Variants in RBFOX3 observed in about 807,000 individuals in gnomAD.
The protein encoded by RBFOX3 is RNA binding fox-1 homolog 3.
In RBFOX3, 17 loss-of-function variants were observed where a neutral mutation model predicts 48.7. That is an observed-to-expected ratio of 0.35 (90% confidence interval 0.24 to 0.52). RBFOX3 has a LOEUF of 0.52. Ranked by LOEUF, RBFOX3 falls within the 20% of genes least tolerant of loss-of-function variation. The pLI, the probability that RBFOX3 is intolerant of heterozygous loss-of-function variation, is 0.94. For missense variants in RBFOX3, 382 were observed against 497.5 expected (o/e 0.77, Z 2.21); for synonymous variants, 212 against 209.5 (o/e 1.01, Z -0.10).
chr17:79,580,721 C>T, intron 1 of RBFOX3, among the ~76,000 whole-genome samples: 1 of 152,304 alleles, frequency 6.6e-6, no homozygotes, highest in East Asian at 1.9e-4. Flanking sequence ...AAAGCAACCT[C>T]TTTCTGGAAC....
At position 79,103,288 on chromosome 17, in the gene RBFOX3, AGAG is replaced by A. The variant is rs542252900; in HGVS notation, c.415-37_415-35del. 14 of 1,437,206 alleles carry A rather than the reference AGAG, an allele frequency of 9.7e-6. No homozygotes were observed. In the South Asian group the frequency reaches 1.7e-4, roughly 18 times the overall value. 89.0% of individuals were successfully genotyped at this position (1,437,206 alleles called of 1,614,324 possible). A position where few individuals can be genotyped will look rare whatever the true frequency, so the allele number is the denominator to read the frequency against. Reference sequence around the variant, plus strand: ...AGAGGAGAGGGAAGGACAGGCACGGAGAGGAGGACACAGGGCGAGAAAGAGGAG... The same window carrying A: ...AGAGGAGAGGGAAGGACAGGCACGGAGAGGACACAGGGCGAGAAAGAGGAG... On this transcript the variant is annotated intron_variant, in intron 7 of 14. Transcript: ENST00000693108. The surrounding 1 kb of genome is among the most constrained non-coding windows in gnomAD (Gnocchi z 6.1).
rs575333209 is a variant in RBFOX3, at chr17:79,197,438, G to C, written c.-34+38328C>G. Among the ~76,000 whole-genome samples, 70 of 145,944 alleles carry C rather than the reference G, an allele frequency of 4.8e-4. 1 individual carries two copies. In the East Asian group the frequency reaches 0.014, roughly 29 times the overall value. On this transcript the variant is annotated intron_variant, in intron 4 of 14. Transcript: ENST00000693108. ...GAGTCTCACTCTGTCGCCCAGGCTG[G>C]AGTGCAGTGGCATGATCTCGGCTCA...
intron 1 of RBFOX3, among the ~76,000 whole-genome samples, chr17:79,517,973 G>T (rs1195939723): frequency 6.6e-6 from 1 of 152,096 alleles, no homozygotes; most frequent in Non-Finnish European, 1.5e-5. Flanking sequence ...CGGAGAAACC[G>T]AACGAGACTC....
chr17:79,109,281 G>A (rs919948337), intron 5 of RBFOX3, among the ~76,000 whole-genome samples: 7 of 152,338 alleles, frequency 4.6e-5, no homozygotes, highest in Admixed American at 3.9e-4. Context: ...GCTTTGGCAC[G>A]GAGGCATCTG....
In RBFOX3 at chr17:79,092,459, A is replaced by C. The variant is rs139675535; in HGVS notation, c.1078-1574T>G. On this transcript the variant is annotated intron_variant, in intron 14 of 14. Transcript: ENST00000693108. ...GAGAGAAATAATCTATAGATTTTAG[A>C]GTTGCAGGGGGCCAGCCGTGCGTGT... The C allele has an allele frequency of 2.8e-4, 275 of 985,768 alleles. No individual in the cohort carries two copies. In the African/African-American group the frequency reaches 3.6e-3, roughly 13 times the overall value. 61.1% of individuals were successfully genotyped at this position (985,768 alleles called of 1,614,324 possible).
chr17:79,446,197 T>C (rs527918633), intron 2 of RBFOX3, among the ~76,000 whole-genome samples: 8 of 152,232 alleles, frequency 5.3e-5, no homozygotes, highest in African/African-American at 1.9e-4. Flanking sequence ...CTAGAGATGG[T>C]CAGGAGCCTC....
At chr17:79,286,441 C>T (rs1318388618) in intron 3 of RBFOX3, among the ~76,000 whole-genome samples, 2 of 152,198 alleles carry the variant, frequency 1.3e-5, no homozygotes, top group African/African-American at 4.8e-5. Context: ...CTTCTCTCCC[C>T]CTGCAGCCTG....
intron 1 of RBFOX3, among the ~76,000 whole-genome samples, chr17:79,607,219 G>A (rs1391928272): frequency 3.3e-5 from 5 of 152,100 alleles, no homozygotes; most frequent in Admixed American, 3.3e-4. Flanking sequence ...GGTCTCTGTT[G>A]AAGGGGGAGA....
At chr17:79,549,935 A>G (rs1599126256) in intron 1 of RBFOX3, among the ~76,000 whole-genome samples, 1 of 152,222 alleles carries the variant, frequency 6.6e-6, no homozygotes, top group Non-Finnish European at 1.5e-5. Flanking sequence ...GGAAGACCAC[A>G]CACACCAAAA....
the RBFOX3 span, among the ~76,000 whole-genome samples, chr17:79,649,488 CTG>C: frequency 6.6e-6 from 1 of 152,168 alleles, no homozygotes; most frequent in South Asian, 2.1e-4. Context: ...AGTGGATCAC[CTG>C]AGGTCAGGAG....
At chr17:79,530,433 G>T (rs1303241208) in intron 1 of RBFOX3, among the ~76,000 whole-genome samples, 1 of 152,192 alleles carries the variant, frequency 6.6e-6, no homozygotes, top group Non-Finnish European at 1.5e-5. Flanking sequence ...AAGGCCCAGA[G>T]CCGTGCCTCC....
At position 79,423,898 on chromosome 17, in the gene RBFOX3, C is replaced by G. The variant is rs929708738; in HGVS notation, c.-175+58556G>C. 1.3e-5 allele frequency: 2 copies of G among 153,630 alleles called. No individual in the cohort carries two copies. Among genetic ancestry groups the G allele is most frequent in the Admixed American group, 6.5e-5 (1 of 15,294 alleles). The allele number at this position is 153,630 out of a possible 1,614,324, so 9.5% of individuals were successfully genotyped here. The stretch of plus-strand genomic sequence containing the variant: ...CCACATGCCCTCAGCTCCCTGAGGC[C>G]TTTGCAGCCACTATGCCCTCTACAC... On this transcript the variant is annotated intron_variant, in intron 2 of 14. Transcript: ENST00000693108. This position sits in a 1 kb window ranked among gnomAD's most constrained non-coding sequence, Gnocchi z 4.9.
the RBFOX3 span, among the ~76,000 whole-genome samples, chr17:79,622,916 C>T: frequency 6.6e-6 from 1 of 152,196 alleles, no homozygotes; most frequent in Non-Finnish European, 1.5e-5. Context: ...CGCTCCTCCC[C>T]TTCCCCAGCT....
rs1308947425 is a variant in RBFOX3 at position 79,421,737 on chromosome 17, G to A, written c.-175+60717C>T. Among the ~76,000 whole-genome samples the A allele has an allele frequency of 3.3e-5, 5 of 152,250 alleles. No individual in the cohort carries two copies. In the East Asian group the frequency reaches 7.7e-4, roughly 24 times the overall value. On this transcript the variant is annotated intron_variant, in intron 2 of 14. Transcript: ENST00000693108. This position sits in a 1 kb window ranked among gnomAD's most constrained non-coding sequence, Gnocchi z 4.5. ...GCAGGCCCCTGGCAAGCCTGAGGCCGGGGCAGCAGCCATGCTCTCTCCTCC... is the reference window on the plus strand; with the variant it reads ...GCAGGCCCCTGGCAAGCCTGAGGCCAGGGCAGCAGCCATGCTCTCTCCTCC...
At position 79,485,230 on chromosome 17, in the gene RBFOX3, C is replaced by A. The variant is rs1368341732; in HGVS notation, c.-319-2632G>T. On this transcript the variant is annotated intron_variant, in intron 1 of 14. Transcript: ENST00000693108. ...GCGGATGGAGCCCTCCTTCCCAGAG[C>A]AGTCCTGGCAGGGGAGGCGCCCACA... 1.1e-3 allele frequency among the ~76,000 whole-genome samples: 173 copies of A among 152,294 alleles called. 1 individual carries two copies. The highest frequency in any genetic ancestry group is 4.0e-3 in the African/African-American group (167 of 41,560).
the RBFOX3 span, among the ~76,000 whole-genome samples, chr17:79,620,963 G>T: frequency 6.6e-6 from 1 of 151,776 alleles, no homozygotes; most frequent in Admixed American, 6.6e-5. Flanking sequence ...CATCAGTGGG[G>T]TACTTCTCTT....
At chr17:79,139,480 G>A (rs749465635) in intron 4 of RBFOX3, among the ~76,000 whole-genome samples, 3 of 152,230 alleles carry the variant, frequency 2.0e-5, no homozygotes, top group Non-Finnish European at 2.9e-5. Flanking sequence ...CTTCTCATTG[G>A]CTCGTGAAGA....
intron 4 of RBFOX3, among the ~76,000 whole-genome samples, chr17:79,145,795 G>A (rs895163242): frequency 2.6e-5 from 4 of 152,242 alleles, no homozygotes; most frequent in Admixed American, 6.5e-5. Context: ...GCTCTCAGCC[G>A]GGCGACGGTG....
chr17:79,345,287 T>TA (rs1379683298), intron 2 of RBFOX3, among the ~76,000 whole-genome samples: 1 of 152,252 alleles, frequency 6.6e-6, no homozygotes, highest in Non-Finnish European at 1.5e-5. Context: ...ATTATCCTTC[T>TA]AATGGCTGCA....
Sources: gnomAD v4.1 joint callset for allele counts (sites outside exome capture counted in the v4.1 genomes callset) on GRCh38, gnomAD v4.1.1 for gene constraint, Gnocchi (gnomAD v3.1) non-coding constraint, MANE v1.5 for transcripts, NCBI Gene and HGNC (gene_info 2026-07-23, HGNC 2026-07-21) for gene names.